The following MIB1 variants were observed in gnomAD, a reference collection of about 807,000 sequenced individuals.
The protein encoded by MIB1 is E3 ubiquitin-protein ligase MIB1.
Under a neutral mutation model 124.5 loss-of-function variants are expected in MIB1, and 278 were observed. The observed-to-expected ratio is 2.23, with a 90% CI of 2.02 to 2.47. The LOEUF is 2.47. Among genes scored for constraint, MIB1 ranks in the 30% most tolerant of loss-of-function variants. The probability of loss-of-function intolerance (pLI) is 0.00; values close to 1 mark genes in which losing one functional copy is unlikely to be tolerated. For synonymous variants in MIB1, 446 were observed against 429.4 expected (o/e 1.04, Z -0.48); for missense variants, 957 against 1,254.4 (o/e 0.76, Z 3.58).
intron 15 of MIB1, among the ~76,000 whole-genome samples, chr18:21,845,172 A>G (rs2042124796): frequency 6.6e-6 from 1 of 151,868 alleles, no homozygotes; most frequent in South Asian, 2.1e-4. Context: ...CACCACGCCC[A>G]GCTAATTTTT....
rs1162435308 is a variant in MIB1 at position 21,740,949 on chromosome 18, G to C, written c.-635G>C. Among the ~76,000 whole-genome samples, 2 of 152,222 alleles carry C rather than the reference G, an allele frequency of 1.3e-5. No individual in the cohort carries two copies. Among genetic ancestry groups the C allele is most frequent in the African/African-American group, 4.8e-5 (2 of 41,470 alleles). The stretch of plus-strand genomic sequence containing the variant: ...TCCGGCCTTGGGTACGGCGGTACCC[G>C]GATGTGGAGTCGCTCTCGCCCGGCT... On this transcript the variant is annotated 5_prime_UTR_variant, in exon 1 of 21. Transcript: ENST00000261537.
chr18:21,732,351 T>TAC (rs59731612), intron 1 of MIB1, among the ~76,000 whole-genome samples: 8,473 of 140,858 alleles, frequency 0.06, 256 homozygotes, highest in Non-Finnish European at 0.067. Flanking sequence ...ATTATATGTA[T>TAC]ACACACACAC....
intron 2 of MIB1, 85 bp downstream of exon 2, chr18:21,766,028 C>A: frequency 2.3e-6 from 3 of 1,287,546 alleles, no homozygotes; most frequent in Non-Finnish European, 1.1e-6. Flanking sequence ...ATAGGATTAG[C>A]AAATAGCTTC....
chr18:21,733,589 G>C (rs1598582943), intron 1 of MIB1, among the ~76,000 whole-genome samples: 1 of 152,312 alleles, frequency 6.6e-6, no homozygotes, highest in East Asian at 1.9e-4. Flanking sequence ...TTTTTGTGCT[G>C]TTAATAGTTG....
intron 10 of MIB1, among the ~76,000 whole-genome samples, chr18:21,808,016 T>G (rs750746058): frequency 3.3e-5 from 5 of 152,180 alleles, no homozygotes; most frequent in African/African-American, 7.2e-5. Flanking sequence ...ATTATTTCAT[T>G]AGTAAATATT....
At chr18:21,754,282 A>G (rs909967936) in intron 1 of MIB1, among the ~76,000 whole-genome samples, 4 of 152,318 alleles carry the variant, frequency 2.6e-5, no homozygotes, top group Middle Eastern at 3.4e-3. Context: ...TGCTTTCCTC[A>G]TTTTCAGATA....
At position 21,732,467 on chromosome 18, in the gene MIB1, G is replaced by T. The variant is rs904404730; in HGVS notation, n.167+27344G>T. The stretch of plus-strand genomic sequence containing the variant: ...TCCAGAGTGCAGTAGCATGATCTAG[G>T]CTTACTGCAACCTCCATCTCCTGGG... On this transcript the variant is annotated intron_variant and non_coding_transcript_variant, in intron 1 of 20. Coordinates refer to the MIB1 transcript ENST00000578646. 2.0e-5 allele frequency among the ~76,000 whole-genome samples: 3 copies of T among 151,354 alleles called. No homozygotes were observed. In the East Asian group the frequency reaches 5.9e-4, roughly 30 times the overall value.
intron 12 of MIB1, chr18:21,825,443 T>G (rs1487825321): frequency 3.3e-6 from 1 of 303,004 alleles, no homozygotes; most frequent in African/African-American, 2.3e-5. Context: ...TACCAGTTCT[T>G]TTCTTTTCTG....
chr18:21,847,005 T>C lies in MIB1; in HGVS notation c.2273T>C (p.Phe758Ser), dbSNP rs1278487323. ...AAGAGTGCAGCATCTATTGCCTGTT[T>C]CTTGGCAGCCAATGGTGCTGACCTG... ...EKKSAASIAC[F>S]LAANGADLSI... The change falls in exon 16 of 21, where the codon TTC (phenylalanine) becomes TCC (serine). Residue 758 changes from phenylalanine to serine, a missense_variant. By Grantham distance (155) the Phe-to-Ser change is radical (BLOSUM62 -2). Transcript: ENST00000261537. 1.2e-6 allele frequency: 2 copies of C among 1,614,206 alleles called. No homozygotes were observed. The highest frequency in any genetic ancestry group is 2.2e-5 in the East Asian group (1 of 44,880).
At chr18:21,847,970 G>A (rs2042149074) in intron 16 of MIB1, among the ~76,000 whole-genome samples, 1 of 152,060 alleles carries the variant, frequency 6.6e-6, no homozygotes. Flanking sequence ...CTTTGTACCT[G>A]GTTCTTGTCA....
At chr18:21,822,539 T>G (rs1181807588) in intron 12 of MIB1, among the ~76,000 whole-genome samples, 1 of 152,218 alleles carries the variant, frequency 6.6e-6, no homozygotes, top group Non-Finnish European at 1.5e-5. Context: ...TCCTACTTCC[T>G]TAAGACATTT....
At chr18:21,850,336 A>C (rs944139806) in intron 17 of MIB1, among the ~76,000 whole-genome samples, 3 of 151,370 alleles carry the variant, frequency 2.0e-5, no homozygotes, top group Non-Finnish European at 4.4e-5. Flanking sequence ...GTAAAAACTC[A>C]TGGAGTTTAT....
chr18:21,757,451 CAAAAAAAAAAA>C lies in MIB1; in HGVS notation c.230-8302_230-8292del, dbSNP rs1202189616. Reference sequence around the variant, plus strand: ...TGGGCTACAGAGTGAGACTCTGTCTCAAAAAAAAAAAAAAAAAAAAAAAAAAAAAGACAGTC... The same window carrying C: ...TGGGCTACAGAGTGAGACTCTGTCTCAAAAAAAAAAAAAAAAAAGACAGTC... On this transcript the variant is annotated intron_variant, in intron 1 of 20. Transcript: ENST00000261537. 1.7e-3 allele frequency among the ~76,000 whole-genome samples: 22 copies of C among 13,282 alleles called. No homozygotes were observed. The East Asian group carries it at 0.029, about 18-fold the overall frequency. 8.7% of individuals were successfully genotyped at this position (13,282 alleles called of 152,430 possible). A position where few individuals can be genotyped will look rare whatever the true frequency, so the allele number is the denominator to read the frequency against.
chr18:21,756,744 G>A (rs1169564796), intron 1 of MIB1, among the ~76,000 whole-genome samples: 5 of 152,276 alleles, frequency 3.3e-5, no homozygotes, highest in East Asian at 1.9e-4. Flanking sequence ...GATTACAGGC[G>A]TGAGCCACCG....
At chr18:21,806,625 G>GTTTTTT (rs1156634721) in intron 10 of MIB1, among the ~76,000 whole-genome samples, 1 of 141,604 alleles carries the variant, frequency 7.1e-6, no homozygotes. Context: ...TTTGTTTTTT[G>GTTTTTT]TTTTTTTTTT....
intron 1 of MIB1, among the ~76,000 whole-genome samples, chr18:21,730,587 T>A (rs570508492): frequency 2.4e-4 from 37 of 152,074 alleles, no homozygotes; most frequent in African/African-American, 8.7e-4. Context: ...AACCATACCG[T>A]GCTTTTGTTG....
intron 6 of MIB1, among the ~76,000 whole-genome samples, chr18:21,780,783 A>G (rs549432302): frequency 6.6e-6 from 1 of 152,144 alleles, no homozygotes; most frequent in African/African-American, 2.4e-5. Flanking sequence ...ATTTATGAAC[A>G]CTTAGGTTGA....
chr18:21,811,405 G>C (rs555866648), intron 10 of MIB1, among the ~76,000 whole-genome samples: 1 of 152,306 alleles, frequency 6.6e-6, no homozygotes, highest in East Asian at 1.9e-4. Context: ...TCTTGAGGAG[G>C]TATTTGTTCA....
chr18:21,776,268 CAA>C (rs11298130), intron 4 of MIB1, among the ~76,000 whole-genome samples: 13,691 of 130,954 alleles, frequency 0.1, 637 homozygotes, highest in Middle Eastern at 0.13. Flanking sequence ...GACCCTGTCT[CAA>C]AAAAAAAAAA....
Sources: gnomAD v4.1 joint callset for allele counts (sites outside exome capture counted in the v4.1 genomes callset) on GRCh38, gnomAD v4.1.1 for gene constraint, MANE v1.5 for transcripts, NCBI Gene and HGNC (gene_info 2026-07-23, HGNC 2026-07-21) for gene names.